KRT23: variants seen among roughly 807,000 people sequenced by gnomAD.
KRT23 encodes keratin 23.
KRT23 carries 38 observed loss-of-function variants against 47.6 expected under a neutral mutation model. The observed-to-expected ratio is 0.80, with a 90% CI of 0.62 to 1.05. The LOEUF (loss-of-function observed/expected upper bound fraction) is 1.05. Among genes scored for constraint, KRT23 ranks in the 50% least tolerant of loss-of-function variants. The pLI is 0.00. For synonymous variants in KRT23, 191 were observed against 199.0 expected, an observed-to-expected ratio of 0.96 and a Z score of 0.34; for missense variants, 503 against 529.5, an observed-to-expected ratio of 0.95 and a Z score of 0.49.
chr17:40,930,732 A>G (rs1597881035), intron 3 of KRT23, among the ~76,000 whole-genome samples: 2 of 151,832 alleles, frequency 1.3e-5, no homozygotes, highest in East Asian at 3.9e-4. Context: ...CCACTACACT[A>G]CAGCCTGGCA....
intron 3 of KRT23, 62 bp from the exon 4 acceptor site, chr17:40,930,158 T>C: frequency 1.4e-6 from 2 of 1,454,620 alleles, no homozygotes; most frequent in Non-Finnish European, 9.5e-7. Flanking sequence ...TTTGAAAGGA[T>C]TCATTTTCAT....
Position 40,925,423 on chromosome 17 carries a change from A to G in KRT23, c.1073T>C (p.Leu358Pro), listed in dbSNP as rs907873971. The G allele has an allele frequency of 1.2e-6, 2 of 1,614,122 alleles. No individual in the cohort carries two copies. The highest frequency in any genetic ancestry group is 1.7e-6 in the Non-Finnish European group (2 of 1,180,030). ...ERQNNEYQVLLGIKTHLEKEI... is the reference protein window; with the variant it reads ...ERQNNEYQVLPGIKTHLEKEI... ...CTTCTCCAGGTGGGTTTTGATGCCC[A>G]GCAGCACTTGGTATTCATTGTTCTG... is the stretch of plus-strand genomic sequence containing the variant. The change falls in exon 7 of 9, where the codon CTG (leucine) becomes CCG (proline). Residue 358 changes from leucine to proline, a missense_variant. Physicochemically the swap from Leu to Pro is moderately conservative, Grantham distance 98 (BLOSUM62 -3). Transcript: ENST00000209718.
At chr17:40,932,906 G>A (rs1227567710) in intron 2 of KRT23, among the ~76,000 whole-genome samples, 1 of 152,168 alleles carries the variant, frequency 6.6e-6, no homozygotes, top group Non-Finnish European at 1.5e-5. Flanking sequence ...TACTGGCTGG[G>A]TGAGATTGGC....
chr17:40,931,487 A>G (rs952117802), intron 2 of KRT23, 32 bp from the exon 3 acceptor site: 2 of 1,540,354 alleles, frequency 1.3e-6, no homozygotes, highest in Non-Finnish European at 1.8e-6. Context: ...ACAAAAGGTT[A>G]TCTCACTTGG....
chr17:40,925,450 C>G lies in KRT23; in HGVS notation c.1046G>C (p.Arg349Pro), dbSNP rs200066086. 6.2e-6 allele frequency: 10 copies of G among 1,614,092 alleles called. No individual in the cohort carries two copies. The highest frequency in any genetic ancestry group is 8.5e-6 in the Non-Finnish European group (10 of 1,180,018). Residue 349 changes from arginine (R) to proline (P), a missense_variant, in exon 7 of 9, where the codon CGG becomes CCG. Arg to Pro is a moderately radical substitution (Grantham distance 103). Coordinates refer to ENST00000209718, the MANE Select transcript of KRT23 (RefSeq NM_015515.5). ...ELTQLRHELE[R>P]QNNEYQVLLG... ...CAGCACTTGGTATTCATTGTTCTGC[C>G]GCTCCAGTTCATGGCGTAGCTGCGT... is the stretch of plus-strand genomic sequence containing the variant.
rs1909546904 is a variant in KRT23, at chr17:40,930,092, C to T, written c.484G>A (p.Glu162Lys). 1 of 1,614,028 alleles carries T rather than the reference C, an allele frequency of 6.2e-7. No individual in the cohort carries two copies. The highest frequency in any genetic ancestry group is 8.5e-7 in the Non-Finnish European group (1 of 1,179,938). Residue 162 changes from glutamate to lysine, a missense_variant, in exon 4 of 9, where the codon GAA becomes AAA. Physicochemically the swap from Glu to Lys is moderately conservative, Grantham distance 56. Transcript: ENST00000209718. ...TCTTTCTTAAAGGAGTGTTCATTTT[C>T]ATACCTTTGGTGAGAAGGAAGAGAA... ...MAVDDFNLKY[E>K]NEHSFKKDLE... is the part of the protein sequence containing the mutation.
In KRT23 at chr17:40,930,065, A is replaced by G. The variant is rs1357860767; in HGVS notation, c.511T>C (p.Leu171=). 1 of 1,614,160 alleles carries G rather than the reference A, an allele frequency of 6.2e-7. No individual in the cohort carries two copies. Among genetic ancestry groups the G allele is most frequent in the Non-Finnish European group, 8.5e-7 (1 of 1,180,010 alleles). ...CGGAGGCCCTCGACTTCAATTTCCAAGTCTTTCTTAAAGGAGTGTTCATTT... is the reference window on the plus strand; with the variant it reads ...CGGAGGCCCTCGACTTCAATTTCCAGGTCTTTCTTAAAGGAGTGTTCATTT... ...YENEHSFKKD[L]EIEVEGLRRT... is the part of the protein sequence containing the mutation. Residue 171 remains leucine (L), a synonymous_variant, in exon 4 of 9, where the codon TTG becomes CTG. Transcript: ENST00000209718.
intron 2 of KRT23, among the ~76,000 whole-genome samples, chr17:40,935,811 T>C (rs2315604): frequency 0.46 from 70,038 of 152,070 alleles, 17,103 homozygotes; most frequent in East Asian, 0.72. Context: ...CCTGGTGCAC[T>C]GAGCATGCAG....
rs1233018523 is a variant in KRT23, at chr17:40,928,517, C to A, written c.727G>T (p.Asp243Tyr). 1 of 1,613,994 alleles carries A rather than the reference C, an allele frequency of 6.2e-7. No individual in the cohort carries two copies. The highest frequency in any genetic ancestry group is 8.5e-7 in the Non-Finnish European group (1 of 1,180,010). ...PREDLIKVLE[D>Y]MRQEYELIIK... ...ATAAGCTCATATTCTTGTCTCATATCCTCCAGGACCTTAATCAGATCTTCC... is the reference window on the plus strand; with the variant it reads ...ATAAGCTCATATTCTTGTCTCATATACTCCAGGACCTTAATCAGATCTTCC... The change falls in exon 5 of 9, where the codon GAT (aspartate) becomes TAT (tyrosine). Residue 243 changes from aspartate (D) to tyrosine (Y), a missense_variant. Physicochemically the swap from Asp to Tyr is radical, Grantham distance 160. Coordinates refer to ENST00000209718, the MANE Select transcript of KRT23 (RefSeq NM_015515.5).
chr17:40,934,457 T>C (rs1909909994), intron 2 of KRT23, among the ~76,000 whole-genome samples: 1 of 152,210 alleles, frequency 6.6e-6, no homozygotes, highest in South Asian at 2.1e-4. Context: ...TTCTCAATTC[T>C]GTTCCAAAGG....
intron 3 of KRT23, among the ~76,000 whole-genome samples, chr17:40,930,452 T>C (rs1909579681): frequency 6.6e-6 from 1 of 152,196 alleles, no homozygotes; most frequent in African/African-American, 2.4e-5. Flanking sequence ...TCAGGATGCA[T>C]CTTTTAAGAA....
rs766066753 is a variant in KRT23, at chr17:40,925,036, C to T, written c.1142+318G>A. The T allele has an allele frequency of 1.7e-5, 7 of 402,802 alleles. 1 individual carries two copies. The highest frequency in any genetic ancestry group is 1.2e-4 in the Admixed American group (3 of 24,104). 25.0% of individuals were successfully genotyped at this position (402,802 alleles called of 1,614,324 possible). A position where few individuals can be genotyped will look rare whatever the true frequency, so the allele number is the denominator to read the frequency against. On this transcript the variant is annotated intron_variant, in intron 7 of 8. Transcript: ENST00000209718. ...CTTTTGCTGGTGGACTAACACATTC[C>T]CCCTGCCTTCTTTTTTTTGGAGCCA...
intron 5 of KRT23, 33 bp from the exon 6 acceptor site, chr17:40,928,393 T>C: frequency 6.2e-7 from 1 of 1,614,168 alleles, no homozygotes; most frequent in Non-Finnish European, 8.5e-7. Context: ...GGCGTCAGCA[T>C]TGGGACCTCA....
intron 3 of KRT23, among the ~76,000 whole-genome samples, chr17:40,930,415 T>C (rs1909576631): frequency 6.6e-6 from 1 of 152,222 alleles, no homozygotes; most frequent in Non-Finnish European, 1.5e-5. Context: ...AGATTATAGA[T>C]GTGATGACAT....
intron 7 of KRT23, chr17:40,925,053 T>C (rs968761245): frequency 1.2e-5 from 5 of 419,656 alleles, no homozygotes; most frequent in Non-Finnish European, 2.1e-5. Flanking sequence ...CTTCTTTTTT[T>C]TGGAGCCAAA....
In KRT23 at chr17:40,923,048, C is replaced by T; in HGVS notation, c.1210G>A (p.Glu404Lys). The change falls in exon 9 of 9, where the codon GAG (glutamate) becomes AAG (lysine). Residue 404 changes from glutamate (E) to lysine (K), a missense_variant. Glu to Lys is a moderately conservative substitution (Grantham distance 56). Coordinates refer to ENST00000209718, the MANE Select transcript of KRT23 (RefSeq NM_015515.5). ...ATPKIKAITQ[E>K]TINGRLVLCQ... The stretch of plus-strand genomic sequence containing the variant: ...AGAACTAATCTTCCGTTGATGGTCT[C>T]CTGGGTTATGGCCTTGATCTTTGGA... The T allele has an allele frequency of 1.2e-6, 2 of 1,614,020 alleles. No homozygotes were observed. Among genetic ancestry groups the T allele is most frequent in the South Asian group, 1.1e-5 (1 of 91,082 alleles).
rs768159953 is a variant in KRT23, at chr17:40,931,300, G to T, written c.479+73C>A. 1.2e-5 allele frequency: 14 copies of T among 1,132,224 alleles called. No individual in the cohort carries two copies. In the African/African-American group the frequency reaches 1.7e-4, roughly 14 times the overall value. The allele number at this position is 1,132,224 out of a possible 1,614,324, so 70.1% of individuals were successfully genotyped here. A position where few individuals can be genotyped will look rare whatever the true frequency, so the allele number is the denominator to read the frequency against. ...GCTGGGATTACAGGTGTGAGCCACC[G>T]CGCCCCGCCGAGTTTTCCTTTTGTA... On this transcript the variant is annotated intron_variant, in intron 3 of 8. Transcript: ENST00000209718.
chr17:40,929,881 G>A (rs182665450), intron 4 of KRT23, 59 bp downstream of exon 4: 11 of 1,525,542 alleles, frequency 7.2e-6, no homozygotes, highest in Non-Finnish European at 9.9e-6. Context: ...TGTCGAATCA[G>A]CCTGAGATGT....
Position 40,922,998 on chromosome 17 carries a change from C to T in KRT23, c.1260G>A (p.Lys420=). ...LVLCQVNEIQ[K]HA Reference sequence around the variant, plus strand: ...GAAACTTTCATTGGTCTCATGCGTGCTTTTGGATTTCATTCACTTGACAAA... The same window carrying T: ...GAAACTTTCATTGGTCTCATGCGTGTTTTTGGATTTCATTCACTTGACAAA... The change falls in exon 9 of 9, where the codon AAG becomes AAA. Residue 420 remains lysine (K), a synonymous_variant. Coordinates refer to ENST00000209718, the MANE Select transcript of KRT23 (RefSeq NM_015515.5). 1.2e-6 allele frequency: 2 copies of T among 1,612,974 alleles called. No homozygotes were observed. The highest frequency in any genetic ancestry group is 1.7e-6 in the Non-Finnish European group (2 of 1,178,996).
Sources: allele counts gnomAD v4.1 joint callset (sites outside exome capture counted in the v4.1 genomes callset), GRCh38; gene constraint gnomAD v4.1.1; transcripts MANE v1.5; gene names NCBI Gene and HGNC (gene_info 2026-07-23, HGNC 2026-07-21).